ARHGEF4: variants seen among roughly 807,000 people sequenced by gnomAD.
ARHGEF4 encodes Rho guanine nucleotide exchange factor 4, also known as APC-stimulated guanine nucleotide exchange factor 1.
ARHGEF4 carries 119 observed loss-of-function variants against 162.0 expected under a neutral mutation model. The observed-to-expected ratio is 0.73, with a 90% CI of 0.63 to 0.86. The LOEUF (loss-of-function observed/expected upper bound fraction) is 0.86, where lower values mean the gene tolerates loss of function less well. Among genes scored for constraint, ARHGEF4 ranks in the 40% least tolerant of loss-of-function variants. The pLI, the probability that ARHGEF4 is intolerant of heterozygous loss-of-function variation, is 0.00. For synonymous variants in ARHGEF4, 1,014 were observed against 979.9 expected, an observed-to-expected ratio of 1.03 and a Z score of -0.65; for missense variants, 2,488 against 2,456.0, an observed-to-expected ratio of 1.01 and a Z score of -0.28.
intron 1 of ARHGEF4, among the ~76,000 whole-genome samples, chr2:130,891,369 T>C: frequency 6.6e-6 from 1 of 152,226 alleles, no homozygotes; most frequent in East Asian, 1.9e-4. Context: ...TTTACCAATA[T>C]CTAGCTATGA....
At chr2:131,004,773 A>C (rs1157569332) in intron 4 of ARHGEF4, among the ~76,000 whole-genome samples, 1 of 152,094 alleles carries the variant, frequency 6.6e-6, no homozygotes, top group Non-Finnish European at 1.5e-5. Flanking sequence ...GACACAACAC[A>C]CTTTGGCTGA....
At chr2:130,959,288 TGATGTTCTGC>T (rs1216123619) in intron 4 of ARHGEF4, among the ~76,000 whole-genome samples, 87 of 152,300 alleles carry the variant, frequency 5.7e-4, no homozygotes, top group African/African-American at 1.9e-3. Flanking sequence ...GCAGCTAGCA[TGATGTTCTGC>T]ACATAGAAGG....
At chr2:130,919,181 C>T (rs1475312474) in intron 2 of ARHGEF4, among the ~76,000 whole-genome samples, 1 of 152,182 alleles carries the variant, frequency 6.6e-6, no homozygotes, top group Non-Finnish European at 1.5e-5. Context: ...TATTTCCTTT[C>T]ACGGTTCTTC....
intron 1 of ARHGEF4, among the ~76,000 whole-genome samples, chr2:130,900,356 C>T (rs961258360): frequency 6.6e-6 from 1 of 152,082 alleles, no homozygotes; most frequent in Non-Finnish European, 1.5e-5. Context: ...GAGCTCCATC[C>T]ATTTTTGTTT....
At chr2:130,970,450 A>G (rs1049395391) in intron 4 of ARHGEF4, among the ~76,000 whole-genome samples, 2 of 152,068 alleles carry the variant, frequency 1.3e-5, no homozygotes, top group African/African-American at 2.4e-5. Context: ...TTAGCCGGGC[A>G]TGGTGGTGCA....
At chr2:130,981,295 C>T (rs1214708679) in intron 4 of ARHGEF4, among the ~76,000 whole-genome samples, 1 of 152,076 alleles carries the variant, frequency 6.6e-6, no homozygotes, top group African/African-American at 2.4e-5. Context: ...CAAATAAATG[C>T]CTTCTACTAA....
chr2:130,854,004 A>C (rs1368543949), intron 1 of ARHGEF4, among the ~76,000 whole-genome samples: 1 of 152,190 alleles, frequency 6.6e-6, no homozygotes, highest in African/African-American at 2.4e-5. Flanking sequence ...TTGTCTGTCA[A>C]ATGGGAATGT....
intron 1 of ARHGEF4, among the ~76,000 whole-genome samples, chr2:130,843,215 T>A (rs1680727323): frequency 6.6e-6 from 1 of 152,170 alleles, no homozygotes; most frequent in Admixed American, 6.5e-5. Flanking sequence ...TGAGAAATTT[T>A]CCAGGACTCA....
In ARHGEF4 at chr2:131,040,169, A is replaced by C. The variant is rs748380755; in HGVS notation, c.4459A>C (p.Lys1487Gln). The C allele has an allele frequency of 2.5e-6, 4 of 1,611,584 alleles. No homozygotes were observed. The highest frequency in any genetic ancestry group is 3.3e-5 in the Admixed American group (2 of 59,920). Reference protein sequence around the residue: ...EILSTERDYIKHLRDICEGYV... With the variant: ...EILSTERDYIQHLRDICEGYV... ...CCTCAGCACTGAGCGGGACTACATC[A>C]AGCACCTGCGCGACATCTGCGAGGT... The change falls in exon 7 of 14, where the codon AAG (lysine) becomes CAG (glutamine). Residue 1487 changes from lysine to glutamine, a missense_variant. Physicochemically the swap from Lys to Gln is moderately conservative, Grantham distance 53 (BLOSUM62 1). This residue lies in a region of ARHGEF4 where 174 missense variants were observed against 148.3 expected (regional missense o/e 1.17). Transcript: ENST00000409359.
At chr2:130,917,815 CTTTTTT>C (rs936419110) in intron 2 of ARHGEF4, among the ~76,000 whole-genome samples, 2 of 118,820 alleles carry the variant, frequency 1.7e-5, no homozygotes, top group African/African-American at 6.5e-5. Context: ...TTTTCTTTTT[CTTTTTT>C]TCTTTTTTTT....
intron 5 of ARHGEF4, chr2:131,035,873 A>C (rs1690238487): frequency 1.0e-6 from 1 of 985,242 alleles, no homozygotes; most frequent in Non-Finnish European, 1.2e-6. Context: ...TGGCGGTCAC[A>C]GGGAGTAGCT....
At chr2:130,848,249 A>T (rs1681136498) in intron 1 of ARHGEF4, among the ~76,000 whole-genome samples, 1 of 152,164 alleles carries the variant, frequency 6.6e-6, no homozygotes, top group South Asian at 2.1e-4. Flanking sequence ...CCTGTGGGGC[A>T]GCAGGGCCTC....
chr2:130,946,699 A>C (rs750096693), intron 4 of ARHGEF4, 64 bp downstream of exon 4: 2 of 1,604,016 alleles, frequency 1.2e-6, no homozygotes, highest in Admixed American at 3.4e-5. Flanking sequence ...ACAAGAAGCT[A>C]GTGCTGTTGG....
chr2:130,979,169 A>G (rs1685946806), intron 4 of ARHGEF4, among the ~76,000 whole-genome samples: 1 of 152,256 alleles, frequency 6.6e-6, no homozygotes, highest in East Asian at 1.9e-4. Context: ...TTTCTGTGGC[A>G]TACAACAATT....
chr2:131,019,719 C>T (rs551523350), intron 4 of ARHGEF4, among the ~76,000 whole-genome samples: 180 of 152,128 alleles, frequency 1.2e-3, no homozygotes, highest in South Asian at 4.4e-3. Context: ...CTGCAAGCTC[C>T]GCCTCCCGGG....
chr2:130,914,220 C>G lies in ARHGEF4; in HGVS notation c.274C>G (p.Leu92Val), dbSNP rs1226965752. 6.5e-7 allele frequency: 1 copy of G among 1,536,146 alleles called. No homozygotes were observed. Among genetic ancestry groups the G allele is most frequent in the Non-Finnish European group, 8.7e-7 (1 of 1,146,916 alleles). The change falls in exon 2 of 14, where the codon CTA becomes GTA. Residue 92 changes from leucine to valine, a missense_variant. Coordinates refer to ENST00000409359, the MANE Select transcript of ARHGEF4 (RefSeq NM_001367493.1). ...GYLPRGVFHP[L>V]RGTPVDIEAP... Reference sequence around the variant, plus strand: ...CCTCCCGAGGGGAGTCTTCCACCCTCTAAGAGGTACTCCCGTAGATATAGA... The same window carrying G: ...CCTCCCGAGGGGAGTCTTCCACCCTGTAAGAGGTACTCCCGTAGATATAGA...
In ARHGEF4 at chr2:131,040,125, C is replaced by T; in HGVS notation, c.4415C>T (p.Thr1472Ile). The T allele has an allele frequency of 6.2e-7, 1 of 1,613,254 alleles. No homozygotes were observed. ...EAQSSKDQMR[T>I]NVINEILSTE... ...CAGAGCAGCAAGGACCAGATGCGGA[C>T]CAACGTCATCAACGAGATCCTCAGC... The change falls in exon 7 of 14, where the codon ACC (threonine) becomes ATC (isoleucine). Residue 1472 changes from threonine (T) to isoleucine (I), a missense_variant. Around this residue, in one of 6 missense-constraint regions of ARHGEF4, gnomAD observed 174 missense variants for 148.3 expected, o/e 1.17. Transcript: ENST00000409359.
At chr2:131,037,902 T>C (rs1690426127) in intron 5 of ARHGEF4, among the ~76,000 whole-genome samples, 1 of 152,196 alleles carries the variant, frequency 6.6e-6, no homozygotes, top group South Asian at 2.1e-4. Flanking sequence ...AGGTAGCAGC[T>C]GCAAAACGTT....
At chr2:130,964,244 C>T (rs953559481) in intron 4 of ARHGEF4, 78 of 985,642 alleles carry the variant, frequency 7.9e-5, no homozygotes, top group Non-Finnish European at 9.4e-5. Flanking sequence ...CGCTCGGCCA[C>T]CGCCGGTAAG....
Sources: allele counts gnomAD v4.1 joint callset (sites outside exome capture counted in the v4.1 genomes callset), GRCh38; gene constraint gnomAD v4.1.1; regional missense constraint gnomAD v4.1.1; transcripts MANE v1.5; gene names NCBI Gene and HGNC (gene_info 2026-07-23, HGNC 2026-07-21).